The following GALNTL5 variants were observed in gnomAD, a reference collection of about 807,000 sequenced individuals.
GALNTL5 encodes polypeptide N-acetylgalactosaminyltransferase like 5, also known as inactive polypeptide N-acetylgalactosaminyltransferase-like protein 5.
GALNTL5 carries 44 observed loss-of-function variants against 51.0 expected under a neutral mutation model. The ratio of observed to expected loss-of-function variants is 0.86; its 90% CI spans 0.68 to 1.11. GALNTL5 has a LOEUF of 1.11. GALNTL5 is among the 50% of genes least tolerant of loss of function. GALNTL5 has a pLI of 0.00. For synonymous variants in GALNTL5, 192 were observed against 182.8 expected (o/e 1.05, Z -0.41); for missense variants, 528 against 531.8 (o/e 0.99, Z 0.07).
intron 3 of GALNTL5, among the ~76,000 whole-genome samples, chr7:151,972,505 C>CTT (rs34812419): frequency 0.43 from 65,563 of 151,694 alleles, 14,211 homozygotes; most frequent in Middle Eastern, 0.5. Context: ...ATTTCAGAGA[C>CTT]CATGGCAACT....
chr7:152,006,714 G>A (rs558503732), intron 6 of GALNTL5, among the ~76,000 whole-genome samples: 1 of 152,098 alleles, frequency 6.6e-6, no homozygotes, highest in Non-Finnish European at 1.5e-5. Flanking sequence ...CTAAAACATA[G>A]GTGCTCAATA....
Position 152,005,876 on chromosome 7 carries a change from G to A in GALNTL5, c.909-1951G>A, listed in dbSNP as rs571719509. On this transcript the variant is annotated intron_variant, in intron 6 of 8. Transcript: ENST00000392800. Reference sequence around the variant, plus strand: ...TCATCTATAACTCTTTGATTCTCTGGTACTGAACACAATCCTATATGGATT... The same window carrying A: ...TCATCTATAACTCTTTGATTCTCTGATACTGAACACAATCCTATATGGATT... Among the ~76,000 whole-genome samples, 10 of 152,098 alleles carry A rather than the reference G, an allele frequency of 6.6e-5. No homozygotes were observed. The East Asian group carries it at 1.9e-3, about 29-fold the overall frequency.
intron 1 of GALNTL5, among the ~76,000 whole-genome samples, chr7:151,963,933 T>C (rs2081025055): frequency 6.6e-6 from 1 of 152,194 alleles, no homozygotes; most frequent in Non-Finnish European, 1.5e-5. Context: ...TCCTCAAATG[T>C]CTCAGGCAAT....
intron 5 of GALNTL5, among the ~76,000 whole-genome samples, chr7:151,999,670 A>G (rs2081546539): frequency 6.6e-6 from 1 of 152,148 alleles, no homozygotes; most frequent in African/African-American, 2.4e-5. Flanking sequence ...ACCAGATGTT[A>G]TTTTTCACCT....
intron 3 of GALNTL5, among the ~76,000 whole-genome samples, chr7:151,974,121 G>C (rs886795354): frequency 3.1e-5 from 2 of 65,318 alleles, no homozygotes; most frequent in Non-Finnish European, 6.7e-5. Flanking sequence ...CCAGTCTCAG[G>C]TGGTATCCTT....
chr7:151,995,984 C>T (rs2081494419), intron 5 of GALNTL5, among the ~76,000 whole-genome samples: 1 of 152,134 alleles, frequency 6.6e-6, no homozygotes, highest in African/African-American at 2.4e-5. Flanking sequence ...ATCATCCCAC[C>T]ACCAGATTAT....
chr7:152,012,510 A>T (rs2081749900), intron 7 of GALNTL5, among the ~76,000 whole-genome samples: 1 of 152,248 alleles, frequency 6.6e-6, no homozygotes, highest in South Asian at 2.1e-4. Flanking sequence ...GATTTCTCAA[A>T]GAATTTAAAA....
intron 1 of GALNTL5, among the ~76,000 whole-genome samples, chr7:151,964,886 A>G (rs1416598957): frequency 4.6e-5 from 7 of 151,818 alleles, no homozygotes; most frequent in Admixed American, 4.6e-4. Context: ...TATCAATCCC[A>G]CCTCAGACGT....
chr7:151,990,073 C>T (rs1586832577), intron 5 of GALNTL5, among the ~76,000 whole-genome samples: 1 of 151,986 alleles, frequency 6.6e-6, no homozygotes, highest in Non-Finnish European at 1.5e-5. Flanking sequence ...GATAGGGTCT[C>T]ACTCTGTTGC....
intron 3 of GALNTL5, among the ~76,000 whole-genome samples, chr7:151,974,583 G>T (rs1179468302): frequency 6.6e-6 from 1 of 152,188 alleles, no homozygotes; most frequent in Non-Finnish European, 1.5e-5. Context: ...GTTTGTACAT[G>T]ATGACACAAT....
chr7:152,002,713 G>C lies in GALNTL5; in HGVS notation c.659-1G>C, dbSNP rs142373868. The C allele has an allele frequency of 2.1e-5, 34 of 1,613,834 alleles. No individual in the cohort carries two copies. In the African/African-American group the frequency reaches 4.4e-4, roughly 21 times the overall value. On this transcript the variant is annotated splice_acceptor_variant, in intron 5 of 8. Transcript: ENST00000392800. LOFTEE classifies it high-confidence loss of function. ...ACATTGCCCTGTTCTTGCCTCCCCA[G>C]GGGATGTTCTGGTGTTCCTGGACAG... is the stretch of plus-strand genomic sequence containing the variant.
chr7:152,001,626 T>C (rs1216121182), intron 5 of GALNTL5, among the ~76,000 whole-genome samples: 1 of 152,236 alleles, frequency 6.6e-6, no homozygotes, highest in Non-Finnish European at 1.5e-5. Flanking sequence ...CACACTGTTT[T>C]GATTATTATC....
intron 1 of GALNTL5, among the ~76,000 whole-genome samples, chr7:151,964,403 A>G (rs2081031077): frequency 6.6e-6 from 1 of 151,928 alleles, no homozygotes; most frequent in Admixed American, 6.6e-5. Flanking sequence ...TGTGTGAGGA[A>G]CCCAGGGGTA....
rs139122810 is a variant in GALNTL5 at position 151,959,559 on chromosome 7, T to C, written c.-40+2950T>C. ...AAGCCTGTGTCCTGGGGGATATTCC[T>C]GTTGTAATAAATGCTCCCAAATCAA... On this transcript the variant is annotated intron_variant, in intron 1 of 8. Coordinates refer to ENST00000392800, the MANE Select transcript of GALNTL5 (RefSeq NM_145292.4). 5.9e-3 allele frequency among the ~76,000 whole-genome samples: 899 copies of C among 152,336 alleles called. 13 individuals are homozygous for C. Among genetic ancestry groups the C allele is most frequent in the African/African-American group, 0.021 (865 of 41,584 alleles).
intron 3 of GALNTL5, among the ~76,000 whole-genome samples, chr7:151,977,696 T>C (rs1031655241): frequency 6.6e-6 from 1 of 152,200 alleles, no homozygotes; most frequent in African/African-American, 2.4e-5. Flanking sequence ...TGCTTGGTAA[T>C]TATGAATCAC....
intron 1 of GALNTL5, among the ~76,000 whole-genome samples, chr7:151,964,537 C>T (rs1292868436): frequency 1.3e-5 from 2 of 152,142 alleles, no homozygotes; most frequent in African/African-American, 4.8e-5. Context: ...TGCCTGCTGC[C>T]ATCCATGGTG....
chr7:151,971,740 T>C (rs1278825104), intron 3 of GALNTL5, among the ~76,000 whole-genome samples: 1 of 151,994 alleles, frequency 6.6e-6, no homozygotes, highest in Non-Finnish European at 1.5e-5. Context: ...ATCATGGGGG[T>C]GGTTTCCCTC....
At chr7:152,019,110 G>A (rs558246176) in intron 8 of GALNTL5, among the ~76,000 whole-genome samples, 11 of 152,224 alleles carry the variant, frequency 7.2e-5, no homozygotes, top group Middle Eastern at 3.4e-3. Context: ...AACCATGCTC[G>A]CCCAGGGGCT....
intron 4 of GALNTL5, 106 bp from the exon 5 acceptor site, chr7:151,987,053 T>G: frequency 9.9e-7 from 1 of 1,009,864 alleles, no homozygotes. Context: ...AAGTTAGAAC[T>G]TCTGTGGAAT....
Sources: allele counts gnomAD v4.1 joint callset (sites outside exome capture counted in the v4.1 genomes callset), GRCh38; gene constraint gnomAD v4.1.1; transcripts MANE v1.5; gene names NCBI Gene and HGNC (gene_info 2026-07-23, HGNC 2026-07-21).